Variants in AGAP1 observed in about 807,000 individuals in gnomAD.
The protein encoded by AGAP1 is arf-GAP with GTPase, ANK repeat and PH domain-containing protein 1.
AGAP1 carries 29 observed loss-of-function variants against 105.3 expected under a neutral mutation model. The observed-to-expected ratio is 0.28, with a 90% CI of 0.21 to 0.38. The LOEUF is 0.38. Ranked by LOEUF, AGAP1 falls within the 10% of genes least tolerant of loss-of-function variation. AGAP1 has a pLI of 1.00. For synonymous variants in AGAP1, 509 were observed against 485.9 expected (o/e 1.05, Z -0.63); for missense variants, 998 against 1,165.1 (o/e 0.86, Z 2.09).
rs550278221 is a variant in AGAP1, at chr2:236,025,299, C to T, written c.1646-11262C>T. On this transcript the variant is annotated intron_variant, in intron 13 of 17. Coordinates refer to ENST00000304032, the MANE Select transcript of AGAP1 (RefSeq NM_001037131.3). ...GAGGGTGGCAGTGGAGAGTAATGCT[C>T]GGCTCTGTCTCTGACTGATGGGCCT... Among the ~76,000 whole-genome samples, 52 of 152,190 alleles carry T rather than the reference C, an allele frequency of 3.4e-4. No homozygotes were observed. In the Middle Eastern group the frequency reaches 0.014, roughly 40 times the overall value.
chr2:236,016,461 T>C (rs2056707865), intron 13 of AGAP1, among the ~76,000 whole-genome samples: 1 of 149,522 alleles, frequency 6.7e-6, no homozygotes, highest in Admixed American at 6.9e-5. Context: ...TAAAAAAAAA[T>C]TGTGAGGTCT....
At chr2:236,048,733 C>T (rs1042412099) in intron 15 of AGAP1, among the ~76,000 whole-genome samples, 1 of 152,238 alleles carries the variant, frequency 6.6e-6, no homozygotes, top group African/African-American at 2.4e-5. Flanking sequence ...TTTTCCCACA[C>T]AGGTCAGCCC....
chr2:235,784,009 G>C (rs1308882424), intron 6 of AGAP1, among the ~76,000 whole-genome samples: 1 of 152,108 alleles, frequency 6.6e-6, no homozygotes, highest in East Asian at 1.9e-4. Context: ...TGGGTGGATA[G>C]ATATATAATA....
intron 16 of AGAP1, among the ~76,000 whole-genome samples, chr2:236,060,559 G>T (rs1415762969): frequency 6.6e-6 from 1 of 152,054 alleles, no homozygotes; most frequent in African/African-American, 2.4e-5. Context: ...GTATGGTGAC[G>T]TGCACCTGTG....
chr2:236,102,417 CA>C (rs34989933), intron 16 of AGAP1, among the ~76,000 whole-genome samples: 158 of 66,218 alleles, frequency 2.4e-3, no homozygotes, highest in East Asian at 8.1e-3. Context: ...GACTCCATCT[CA>C]AAAAAAAAAA....
At chr2:235,686,208 A>G (rs1407096626) in intron 1 of AGAP1, among the ~76,000 whole-genome samples, 1 of 152,118 alleles carries the variant, frequency 6.6e-6, no homozygotes, top group Non-Finnish European at 1.5e-5. Context: ...GTAGCTGACC[A>G]TAGACTAAGC....
At chr2:235,532,866 CTG>C (rs1472203004) in intron 1 of AGAP1, among the ~76,000 whole-genome samples, 1 of 152,202 alleles carries the variant, frequency 6.6e-6, no homozygotes, top group Non-Finnish European at 1.5e-5. Context: ...TTAGCAGTGA[CTG>C]TGAACAGCCG....
chr2:235,654,037 C>T (rs1947696761), intron 1 of AGAP1, among the ~76,000 whole-genome samples: 1 of 152,214 alleles, frequency 6.6e-6, no homozygotes, highest in Non-Finnish European at 1.5e-5. Flanking sequence ...GCCTGGGTGA[C>T]AGAGTGAGAG....
Position 235,608,088 on chromosome 2 carries a change from G to A in AGAP1, c.164-101091G>A, listed in dbSNP as rs1054845447. ...CTCAGAGCGTGGGCGGGTTGGCATC[G>A]TCTGCACGTTGACCGGGTCGTTTTT... On this transcript the variant is annotated intron_variant, in intron 1 of 17. Coordinates refer to ENST00000304032, the MANE Select transcript of AGAP1 (RefSeq NM_001037131.3). This position sits in a 1 kb window ranked among gnomAD's most constrained non-coding sequence, Gnocchi z 5.4. Among the ~76,000 whole-genome samples, 2 of 152,166 alleles carry A rather than the reference G, an allele frequency of 1.3e-5. No homozygotes were observed. Among genetic ancestry groups the A allele is most frequent in the Admixed American group, 6.5e-5 (1 of 15,276 alleles).
chr2:235,563,225 G>GC (rs961939247), intron 1 of AGAP1, among the ~76,000 whole-genome samples: 2 of 152,066 alleles, frequency 1.3e-5, no homozygotes, highest in Admixed American at 6.6e-5. Context: ...CCTTGGCTGT[G>GC]CCCCCCTGCC....
Position 236,044,873 on chromosome 2 carries a change from G to A in AGAP1, c.1891+4032G>A, listed in dbSNP as rs940683947. Among the ~76,000 whole-genome samples, 5 of 152,190 alleles carry A rather than the reference G, an allele frequency of 3.3e-5. No individual in the cohort carries two copies. Among genetic ancestry groups the A allele is most frequent in the East Asian group, 1.9e-4 (1 of 5,158 alleles). On this transcript the variant is annotated intron_variant, in intron 15 of 17. Transcript: ENST00000304032. This position sits in a 1 kb window ranked among gnomAD's most constrained non-coding sequence, Gnocchi z 5.7. ...TTCTTAGCTCTTTTCTGGTTTGGGC[G>A]GGGGCAGGGGCGGGTTGAGATGGGG...
intron 1 of AGAP1, among the ~76,000 whole-genome samples, chr2:235,652,257 C>T (rs1947619864): frequency 6.6e-6 from 1 of 152,148 alleles, no homozygotes; most frequent in South Asian, 2.1e-4. Context: ...GGCCCTGCAA[C>T]AGGGCCCTGC....
Position 235,901,338 on chromosome 2 carries a change from C to A in AGAP1, c.1156-7400C>A, listed in dbSNP as rs956042392. Among the ~76,000 whole-genome samples the A allele has an allele frequency of 8.6e-5, 13 of 151,834 alleles. No individual in the cohort carries two copies. Among genetic ancestry groups the A allele is most frequent in the African/African-American group, 2.7e-4 (11 of 41,294 alleles). On this transcript the variant is annotated intron_variant, in intron 10 of 17. Transcript: ENST00000304032. The surrounding 1 kb of genome is among the most constrained non-coding windows in gnomAD (Gnocchi z 4.3). ...TTTAAAAATAGAACTTCACAAATTACTGCTTCCTTTTGATACTGGATATTC... is the reference window on the plus strand; with the variant it reads ...TTTAAAAATAGAACTTCACAAATTAATGCTTCCTTTTGATACTGGATATTC...
intron 1 of AGAP1, among the ~76,000 whole-genome samples, chr2:235,501,423 A>G (rs1015388519): frequency 2.0e-5 from 3 of 152,156 alleles, no homozygotes; most frequent in South Asian, 2.1e-4. Context: ...TTTGTTACCA[A>G]TATTTCCAAG....
At position 235,885,748 on chromosome 2, in the gene AGAP1, G is replaced by A. The variant is rs187180596; in HGVS notation, c.1155+2299G>A. Among the ~76,000 whole-genome samples the A allele has an allele frequency of 1.9e-3, 287 of 152,290 alleles. 1 individual carries two copies. Among genetic ancestry groups the A allele is most frequent in the Middle Eastern group, 0.014 (4 of 294 alleles). On this transcript the variant is annotated intron_variant, in intron 10 of 17. Transcript: ENST00000304032. The stretch of plus-strand genomic sequence containing the variant: ...GCGTAGCTATACCTTTCAGAACCAC[G>A]CAGCAAAGCAGGTCTTCCGTCGGCA...
chr2:235,894,004 G>A (rs868061649), intron 10 of AGAP1, among the ~76,000 whole-genome samples: 2 of 152,008 alleles, frequency 1.3e-5, no homozygotes, highest in African/African-American at 4.8e-5. Context: ...ACTGCCTCAC[G>A]TGGCATTATT....
Position 235,801,067 on chromosome 2 carries a change from C to T in AGAP1, c.957+1545C>T, listed in dbSNP as rs1009934883. On this transcript the variant is annotated intron_variant, in intron 8 of 17. Transcript: ENST00000304032. This position sits in a 1 kb window ranked among gnomAD's most constrained non-coding sequence, Gnocchi z 6.0. ...GTCTCTCATTGGATGCTCATGACTG[C>T]GGAGGCGGTTGCCAGCTGCACACAC... 4.6e-5 allele frequency among the ~76,000 whole-genome samples: 7 copies of T among 152,150 alleles called. No individual in the cohort carries two copies. The highest frequency in any genetic ancestry group is 6.5e-5 in the Admixed American group (1 of 15,292).
intron 12 of AGAP1, among the ~76,000 whole-genome samples, chr2:235,968,165 T>C (rs2054484313): frequency 6.6e-6 from 1 of 152,176 alleles, no homozygotes; most frequent in South Asian, 2.1e-4. Context: ...ACCCCTTTCC[T>C]TTTGCAGAGC....
intron 1 of AGAP1, among the ~76,000 whole-genome samples, chr2:235,515,913 C>T (rs757714994): frequency 2.2e-4 from 33 of 152,080 alleles, no homozygotes; most frequent in Non-Finnish European, 2.8e-4. Flanking sequence ...TCAGCAACAG[C>T]GACTTAAGGG....
Sources: gnomAD v4.1 joint callset for allele counts (sites outside exome capture counted in the v4.1 genomes callset) on GRCh38, gnomAD v4.1.1 for gene constraint, Gnocchi (gnomAD v3.1) non-coding constraint, MANE v1.5 for transcripts, NCBI Gene and HGNC (gene_info 2026-07-23, HGNC 2026-07-21) for gene names.